NHSL1: variants seen among roughly 807,000 people sequenced by gnomAD.
The protein encoded by NHSL1 is NHS like 1.
Under a neutral mutation model 95.0 loss-of-function variants are expected in NHSL1, and 48 were observed. The ratio of observed to expected loss-of-function variants is 0.51; its 90% CI spans 0.40 to 0.64. The LOEUF is 0.64. Ranked by LOEUF, NHSL1 falls within the 30% of genes least tolerant of loss-of-function variation. The pLI is 0.00. For missense variants in NHSL1, 1,971 were observed against 2,077.7 expected (o/e 0.95, Z 1.00); for synonymous variants, 783 against 833.9 (o/e 0.94, Z 1.05).
intron 3 of NHSL1, among the ~76,000 whole-genome samples, chr6:138,448,920 C>T (rs144077164): frequency 8.7e-4 from 133 of 152,112 alleles, no homozygotes; most frequent in African/African-American, 3.1e-3. Context: ...GGCGTGCTGG[C>T]GCATGCCTGT....
upstream of NHSL1, among the ~76,000 whole-genome samples, chr6:138,499,987 C>T (rs963774278): frequency 1.1e-3 from 161 of 152,122 alleles, no homozygotes; most frequent in African/African-American, 3.6e-3. Flanking sequence ...AATTAGGATG[C>T]TCTGTCTTCT....
At position 138,424,333 on chromosome 6, in the gene NHSL1, G is replaced by A. The variant is rs1346761905; in HGVS notation, c.4569C>T (p.Thr1523=). 2.0e-6 allele frequency: 3 copies of A among 1,537,280 alleles called. No individual in the cohort carries two copies. Among genetic ancestry groups the A allele is most frequent in the Admixed American group, 2.0e-5 (1 of 49,620 alleles). ...MRNRIQSSPM[T]VISEGEGEAV... is the part of the protein sequence containing the mutation. The stretch of plus-strand genomic sequence containing the variant: ...CTTCCCCTTCTCCCTCCGAGATGAC[G>A]GTCATGGGGCTGCTCTGGATCCGGT... The change falls in exon 8 of 8, where the codon ACC becomes ACT. Residue 1523 remains threonine (T), a synonymous_variant. Coordinates refer to ENST00000343505, the MANE Select transcript of NHSL1 (RefSeq NM_001144060.2). The surrounding 1 kb of genome is among the most constrained non-coding windows in gnomAD (Gnocchi z 5.9).
At chr6:138,670,399 G>A (rs2114758264) in intron 1 of NHSL1, among the ~76,000 whole-genome samples, 1 of 151,506 alleles carries the variant, frequency 6.6e-6, no homozygotes, top group South Asian at 2.1e-4. Context: ...GGGCGCGGTG[G>A]CTCACGCCTA....
intron 5 of NHSL1, among the ~76,000 whole-genome samples, chr6:138,434,576 A>C (rs1775948080): frequency 6.6e-6 from 1 of 152,168 alleles, no homozygotes; most frequent in Admixed American, 6.5e-5. Context: ...ACCTACCCAA[A>C]GTGTACTGAG....
intron 1 of NHSL1, among the ~76,000 whole-genome samples, chr6:138,610,370 T>C (rs1348586375): frequency 1.3e-5 from 2 of 151,686 alleles, no homozygotes; most frequent in East Asian, 3.9e-4. Context: ...GTGGGGAACA[T>C]CACACACCGG....
At position 138,423,997 on chromosome 6, in the gene NHSL1, C is replaced by T. The variant is rs1775074626; in HGVS notation, c.*84G>A. On this transcript the variant is annotated 3_prime_UTR_variant, in exon 8 of 8. Coordinates refer to ENST00000343505, the MANE Select transcript of NHSL1 (RefSeq NM_001144060.2). ...AGCAGAGTGGGCTCCCCGGGTGAGC[C>T]AGGGAAGGGCGCCTAGCAGGCTTCC... 8 of 1,268,050 alleles carry T rather than the reference C, an allele frequency of 6.3e-6. No individual in the cohort carries two copies. The East Asian group carries it at 2.0e-4, about 32-fold the overall frequency. 78.5% of individuals were successfully genotyped at this position (1,268,050 alleles called of 1,614,324 possible). A position where few individuals can be genotyped will look rare whatever the true frequency, so the allele number is the denominator to read the frequency against.
intron 5 of NHSL1, among the ~76,000 whole-genome samples, chr6:138,440,467 G>A (rs912453756): frequency 4.1e-4 from 62 of 152,164 alleles, no homozygotes; most frequent in Non-Finnish European, 1.0e-4. Flanking sequence ...ACAATCCCAC[G>A]GGAGCTGCTG....
At chr6:138,500,043 A>G (rs540763826), upstream of NHSL1, among the ~76,000 whole-genome samples, 2 of 152,272 alleles carry the variant, frequency 1.3e-5, no homozygotes, top group East Asian at 1.9e-4. Context: ...TGTGTTCCAA[A>G]GCATGATCTT....
intron 1 of NHSL1, among the ~76,000 whole-genome samples, chr6:138,542,799 T>C (rs2128325316): frequency 6.6e-6 from 1 of 152,364 alleles, no homozygotes; most frequent in East Asian, 1.9e-4. Context: ...GGTCTCACTC[T>C]ATTGCCCAGG....
At chr6:138,611,768 T>C (rs996253558) in intron 1 of NHSL1, among the ~76,000 whole-genome samples, 1 of 148,780 alleles carries the variant, frequency 6.7e-6, no homozygotes, top group Non-Finnish European at 1.5e-5. Flanking sequence ...AAAATAAAAA[T>C]AAAAAAATAA....
intron 1 of NHSL1, among the ~76,000 whole-genome samples, chr6:138,674,943 G>C (rs1708463848): frequency 6.6e-6 from 1 of 151,938 alleles, no homozygotes; most frequent in Non-Finnish European, 1.5e-5. Context: ...AGCTACTCCA[G>C]AGGCTTAGGT....
At chr6:138,523,184 G>A (rs762739439) in intron 1 of NHSL1, among the ~76,000 whole-genome samples, 8 of 152,024 alleles carry the variant, frequency 5.3e-5, no homozygotes, top group South Asian at 4.1e-4. Context: ...AAAGTTTTGC[G>A]GCACACCAAG....
At chr6:138,566,379 C>G (rs1158332820) in intron 1 of NHSL1, among the ~76,000 whole-genome samples, 3 of 150,818 alleles carry the variant, frequency 2.0e-5, no homozygotes, top group Non-Finnish European at 4.4e-5. Context: ...GCCTGGGCGA[C>G]AGAGCAAGAC....
At chr6:138,512,619 C>T (rs115750120) in intron 1 of NHSL1, 1 of 190,328 alleles carries the variant, frequency 5.3e-6, no homozygotes, top group Non-Finnish European at 1.1e-5. Flanking sequence ...TTGTATAATT[C>T]GACTTAGAAT....
chr6:138,515,114 G>C (rs1246450022), intron 1 of NHSL1, among the ~76,000 whole-genome samples: 1 of 152,116 alleles, frequency 6.6e-6, no homozygotes, highest in African/African-American at 2.4e-5. Context: ...GAGGGTGAGA[G>C]AGTTCACCAC....
chr6:138,526,759 C>T (rs1409706033), intron 1 of NHSL1, among the ~76,000 whole-genome samples: 5 of 152,110 alleles, frequency 3.3e-5, no homozygotes, highest in Non-Finnish European at 5.9e-5. Context: ...GTTTTGGCCA[C>T]ATCCCATGAG....
intron 1 of NHSL1, among the ~76,000 whole-genome samples, chr6:138,515,741 G>A (rs74351490): frequency 8.5e-5 from 13 of 152,350 alleles, no homozygotes; most frequent in Admixed American, 7.8e-4. Flanking sequence ...TAACTCTAAC[G>A]GCTGGAAGTT....
At chr6:138,468,499 A>G (rs1778536626) in intron 3 of NHSL1, among the ~76,000 whole-genome samples, 3 of 152,210 alleles carry the variant, frequency 2.0e-5, no homozygotes, top group Admixed American at 2.0e-4. Flanking sequence ...CAGCGGCAGC[A>G]TTAGATTCTC....
Position 138,432,710 on chromosome 6 carries a change from T to A in NHSL1, c.1635A>T (p.Gly545=). Reference sequence around the variant, plus strand: ...CCCAGGGCTCCGAGCTGCTGTGCCCTCCGCCCCCTGAATAACTAGATTCAC... The same window carrying A: ...CCCAGGGCTCCGAGCTGCTGTGCCCACCGCCCCCTGAATAACTAGATTCAC... ...GKSESSYSGG[G]GHSSSEPWEY... Residue 545 remains glycine, a synonymous_variant, in exon 6 of 8, where the codon GGA becomes GGT. Transcript: ENST00000343505. This position sits in a 1 kb window ranked among gnomAD's most constrained non-coding sequence, Gnocchi z 4.4. 1 of 1,551,570 alleles carries A rather than the reference T, an allele frequency of 6.4e-7. No homozygotes were observed. Among genetic ancestry groups the A allele is most frequent in the Non-Finnish European group, 8.7e-7 (1 of 1,146,924 alleles).
Sources: gnomAD v4.1 joint callset for allele counts (sites outside exome capture counted in the v4.1 genomes callset) on GRCh38, gnomAD v4.1.1 for gene constraint, Gnocchi (gnomAD v3.1) non-coding constraint, MANE v1.5 for transcripts, NCBI Gene and HGNC (gene_info 2026-07-23, HGNC 2026-07-21) for gene names.